SEMA3A: variants seen among roughly 807,000 people sequenced by gnomAD.
SEMA3A encodes the protein semaphorin 3A.
SEMA3A carries 29 observed loss-of-function variants against 97.9 expected under a neutral mutation model. The ratio of observed to expected loss-of-function variants is 0.30; its 90% CI spans 0.22 to 0.40. The LOEUF (loss-of-function observed/expected upper bound fraction) is 0.40, where lower values mean the gene tolerates loss of function less well. SEMA3A is among the 10% of genes least tolerant of loss of function. The pLI, the probability that SEMA3A is intolerant of heterozygous loss-of-function variation, is 1.00. For synonymous variants in SEMA3A, 321 were observed against 323.7 expected (o/e 0.99, Z 0.09); for missense variants, 763 against 951.3 (o/e 0.80, Z 2.60).
Position 84,001,942 on chromosome 7 carries a change from AAGC to A in SEMA3A, c.1452+10_1452+12del, listed in dbSNP as rs775811670. The A allele has an allele frequency of 9.0e-5, 143 of 1,582,726 alleles. No homozygotes were observed. The highest frequency in any genetic ancestry group is 1.2e-4 in the Non-Finnish European group (138 of 1,153,020). On this transcript the variant is annotated intron_variant, in intron 12 of 16. Transcript: ENST00000265362. ...ACTGAACTTGTTGACACTTGAAATT[AAGC>A]AGCACTCACCCGAAAAACTGTCATT... is the stretch of plus-strand genomic sequence containing the variant.
At chr7:84,363,014 G>A (rs945060749) in intron 2 of SEMA3A, among the ~76,000 whole-genome samples, 4 of 151,892 alleles carry the variant, frequency 2.6e-5, no homozygotes, top group Non-Finnish European at 5.9e-5. Context: ...GTATATTACT[G>A]TACAACTAGC....
At chr7:83,991,716 G>T (rs934839527) in intron 12 of SEMA3A, among the ~76,000 whole-genome samples, 34 of 150,850 alleles carry the variant, frequency 2.3e-4, no homozygotes, top group African/African-American at 7.6e-4. Context: ...GCTGGATTCG[G>T]TTTGCCAGTA....
chr7:84,356,804 A>G (rs1420134956), intron 2 of SEMA3A, among the ~76,000 whole-genome samples: 1 of 144,516 alleles, frequency 6.9e-6, no homozygotes, highest in Non-Finnish European at 1.5e-5. Flanking sequence ...TTAAGTAAAT[A>G]TGACTATAAA....
chr7:84,076,025 G>A (rs1793934295), intron 4 of SEMA3A, among the ~76,000 whole-genome samples: 1 of 152,030 alleles, frequency 6.6e-6, no homozygotes, highest in Non-Finnish European at 1.5e-5. Flanking sequence ...TCTATGTAAT[G>A]GAAATCCTCT....
intron 1 of SEMA3A, among the ~76,000 whole-genome samples, chr7:84,155,713 G>A (rs1395339460): frequency 3.3e-5 from 5 of 152,102 alleles, no homozygotes; most frequent in African/African-American, 1.2e-4. Context: ...TTTAAAGTAT[G>A]TATTCCATTT....
intron 3 of SEMA3A, among the ~76,000 whole-genome samples, chr7:84,229,207 A>G (rs1343936753): frequency 6.6e-6 from 1 of 152,054 alleles, no homozygotes; most frequent in Non-Finnish European, 1.5e-5. Context: ...TCTCTTTTTG[A>G]GCAGTAGTAT....
chr7:84,027,268 C>T (rs2116455376), intron 6 of SEMA3A, among the ~76,000 whole-genome samples: 1 of 152,238 alleles, frequency 6.6e-6, no homozygotes, highest in African/African-American at 2.4e-5. Flanking sequence ...CCTATCTTAC[C>T]ACTTGGGATT....
At position 84,109,064 on chromosome 7, in the gene SEMA3A, A is replaced by G. The variant is rs187071523; in HGVS notation, c.453+1406T>C. ...CTCTAGAGCTATCTTCAGAATATAG[A>G]AAAGTGAGACAATCACCTTGGGCCC... On this transcript the variant is annotated intron_variant, in intron 4 of 16. Transcript: ENST00000265362. Among the ~76,000 whole-genome samples, 36 of 152,278 alleles carry G rather than the reference A, an allele frequency of 2.4e-4. 1 individual carries two copies. The East Asian group carries it at 5.8e-3, about 25-fold the overall frequency.
chr7:84,272,637 T>A (rs1220119892), intron 3 of SEMA3A, among the ~76,000 whole-genome samples: 1 of 152,036 alleles, frequency 6.6e-6, no homozygotes, highest in African/African-American at 2.4e-5. Flanking sequence ...TTCAAGCTTT[T>A]ATTGATTGTA....
intron 9 of SEMA3A, among the ~76,000 whole-genome samples, chr7:84,008,453 T>C (rs1349619725): frequency 7.2e-6 from 1 of 138,460 alleles, no homozygotes. Flanking sequence ...ATCGTGCCAC[T>C]GCACTCCAGC....
chr7:84,448,100 C>T (rs1254606707), intron 1 of SEMA3A, among the ~76,000 whole-genome samples: 2 of 152,192 alleles, frequency 1.3e-5, no homozygotes, highest in Non-Finnish European at 2.9e-5. Flanking sequence ...CCCTGCCTGG[C>T]TCACCCTTGG....
At chr7:84,445,995 A>G (rs1805404584) in intron 1 of SEMA3A, among the ~76,000 whole-genome samples, 1 of 152,174 alleles carries the variant, frequency 6.6e-6, no homozygotes, top group African/African-American at 2.4e-5. Flanking sequence ...GACTCAAATT[A>G]CTAAAATCAG....
chr7:84,352,549 TA>T (rs1470501419), intron 2 of SEMA3A, among the ~76,000 whole-genome samples: 1 of 151,458 alleles, frequency 6.6e-6, no homozygotes, highest in Non-Finnish European at 1.5e-5. Flanking sequence ...AAAAATAAAA[TA>T]AAAATGAAAA....
chr7:84,061,328 G>A (rs961944131), intron 4 of SEMA3A, among the ~76,000 whole-genome samples: 1 of 152,150 alleles, frequency 6.6e-6, no homozygotes, highest in South Asian at 2.1e-4. Context: ...TAGAATATGT[G>A]CAGGAAAGCA....
Position 84,285,482 on chromosome 7 carries a change from A to G in SEMA3A, c.-83+21725T>C, listed in dbSNP as rs576778516. ...ATCTCTATTTAATAGAAAACTTATT[A>G]TATTTCTTTTTCAACTAAATATTAC... On this transcript the variant is annotated intron_variant, in intron 3 of 3. Transcript: ENST00000424555. Among the ~76,000 whole-genome samples the G allele has an allele frequency of 1.2e-3, 176 of 152,340 alleles. 1 individual carries two copies. Among genetic ancestry groups the G allele is most frequent in the African/African-American group, 4.0e-3 (165 of 41,588 alleles).
At chr7:84,099,661 T>A (rs1032116505) in intron 4 of SEMA3A, among the ~76,000 whole-genome samples, 2 of 152,284 alleles carry the variant, frequency 1.3e-5, no homozygotes, top group Non-Finnish European at 2.9e-5. Context: ...CTTTTTTTAA[T>A]GAGGAGTTTA....
intron 4 of SEMA3A, among the ~76,000 whole-genome samples, chr7:84,067,288 C>T (rs1185653661): frequency 2.0e-5 from 3 of 152,200 alleles, no homozygotes; most frequent in South Asian, 2.1e-4. Flanking sequence ...GGATTAAAGA[C>T]TTAAACGTTT....
intron 1 of SEMA3A, among the ~76,000 whole-genome samples, chr7:84,184,712 A>G (rs1797826330): frequency 6.6e-6 from 1 of 152,124 alleles, no homozygotes. Flanking sequence ...TGCACCCAGC[A>G]TAACTTTCAC....
At chr7:84,097,538 T>G (rs1415922339) in intron 4 of SEMA3A, among the ~76,000 whole-genome samples, 3 of 152,126 alleles carry the variant, frequency 2.0e-5, no homozygotes, top group Non-Finnish European at 2.9e-5. Context: ...TTAGACTCGC[T>G]TTTTAACTGC....
Sources: gnomAD v4.1 joint callset for allele counts (sites outside exome capture counted in the v4.1 genomes callset) on GRCh38, gnomAD v4.1.1 for gene constraint, MANE v1.5 for transcripts, NCBI Gene and HGNC (gene_info 2026-07-23, HGNC 2026-07-21) for gene names.